The following MAGI1 variants were observed in gnomAD, a reference collection of about 807,000 sequenced individuals.
MAGI1 encodes membrane-associated guanylate kinase, WW and PDZ domain-containing protein 1.
A neutral mutation model predicts 139.9 loss-of-function variants in MAGI1; 58 were observed. The ratio of observed to expected loss-of-function variants is 0.41; its 90% confidence interval spans 0.34 to 0.52. The LOEUF is 0.52. Among genes scored for constraint, MAGI1 ranks in the 20% least tolerant of loss-of-function variants. The pLI is 0.12. For missense variants in MAGI1, 1,874 were observed against 1,901.6 expected (o/e 0.99, Z 0.27); for synonymous variants, 812 against 737.9 (o/e 1.10, Z -1.63).
At chr3:65,639,590 G>A (rs2084861872) in intron 1 of MAGI1, among the ~76,000 whole-genome samples, 1 of 152,152 alleles carries the variant, frequency 6.6e-6, no homozygotes, top group Non-Finnish European at 1.5e-5. Context: ...TTGAGATAAG[G>A]TTAACATTTG....
intron 1 of MAGI1, 89 bp downstream of exon 1, chr3:66,037,904 CGAG>C (rs2069029839): frequency 1.3e-6 from 2 of 1,507,480 alleles, no homozygotes; most frequent in Non-Finnish European, 8.9e-7. Context: ...CACTGCGCTC[CGAG>C]GAGGGAAGCA....
At chr3:65,551,030 T>C (rs1305121080) in intron 2 of MAGI1, among the ~76,000 whole-genome samples, 1 of 152,124 alleles carries the variant, frequency 6.6e-6, no homozygotes, top group African/African-American at 2.4e-5. Flanking sequence ...TCATCTGGAA[T>C]TGTAATCCCC....
intron 1 of MAGI1, among the ~76,000 whole-genome samples, chr3:65,704,169 T>G (rs550497054): frequency 6.6e-6 from 1 of 152,220 alleles, no homozygotes; most frequent in Admixed American, 6.5e-5. Context: ...CAAGTCCAGC[T>G]GGCTATCTGT....
intron 13 of MAGI1, among the ~76,000 whole-genome samples, chr3:65,391,860 C>T (rs1461350782): frequency 2.6e-5 from 4 of 151,712 alleles, no homozygotes; most frequent in East Asian, 1.9e-4. Context: ...CCATTCTTTT[C>T]GACTATTAAA....
At chr3:66,002,142 T>G (rs368138146) in intron 1 of MAGI1, among the ~76,000 whole-genome samples, 1 of 152,174 alleles carries the variant, frequency 6.6e-6, no homozygotes, top group African/African-American at 2.4e-5. Flanking sequence ...TTAGTTCTCC[T>G]CAGGTAAGGA....
chr3:65,698,755 C>T (rs1197797352), intron 1 of MAGI1, among the ~76,000 whole-genome samples: 2 of 148,288 alleles, frequency 1.3e-5, no homozygotes, highest in Non-Finnish European at 3.0e-5. Context: ...AAACGTTAGA[C>T]CTAAAACCAT....
rs3077818 is a variant in MAGI1, at chr3:65,819,875, C to CAAAAAAAAAAAAAAAAAAAAA, written c.314-197808_314-197788dup. ...CTAGCCACAGAGCAAGACTCCATCT[C>CAAAAAAAAAAAAAAAAAAAAA]AAAAAAAAAAAAAAAAAAAAAAGGA... On this transcript the variant is annotated intron_variant, in intron 1 of 22. Coordinates refer to ENST00000402939, the MANE Select transcript of MAGI1 (RefSeq NM_001033057.2). 5.0e-3 allele frequency among the ~76,000 whole-genome samples: 168 copies of CAAAAAAAAAAAAAAAAAAAAA among 33,458 alleles called. 22 individuals are homozygous for CAAAAAAAAAAAAAAAAAAAAA. Among genetic ancestry groups the CAAAAAAAAAAAAAAAAAAAAA allele is most frequent in the East Asian group, 8.0e-3 (9 of 1,126 alleles). 21.9% of individuals were successfully genotyped at this position (33,458 alleles called of 152,430 possible).
chr3:65,941,640 G>C (rs2063320994), intron 1 of MAGI1, among the ~76,000 whole-genome samples: 1 of 135,216 alleles, frequency 7.4e-6, no homozygotes, highest in Non-Finnish European at 1.6e-5. Context: ...ACTGCTATTT[G>C]AACACCACTG....
intron 1 of MAGI1, among the ~76,000 whole-genome samples, chr3:65,693,703 T>TTTTTTTTG (rs1553692473): frequency 2.0e-5 from 3 of 151,786 alleles, no homozygotes; most frequent in African/African-American, 7.3e-5. Context: ...AGAACAGTTT[T>TTTTTTTTG]TTTTTGTTTT....
intron 1 of MAGI1, among the ~76,000 whole-genome samples, chr3:65,626,237 C>A (rs1376350567): frequency 6.6e-6 from 1 of 152,176 alleles, no homozygotes; most frequent in Admixed American, 6.5e-5. Context: ...CTTTTTATCA[C>A]ATATATAACA....
At chr3:65,492,290 G>A (rs1353981454) in intron 3 of MAGI1, among the ~76,000 whole-genome samples, 1 of 152,180 alleles carries the variant, frequency 6.6e-6, no homozygotes, top group African/African-American at 2.4e-5. Flanking sequence ...AGAAAAATGT[G>A]ACTTTTTTCC....
chr3:65,504,649 A>G lies in MAGI1; in HGVS notation c.431-11018T>C, dbSNP rs144584710. ...GAATAAATCAACACTGTCTTCATCCAGGAAACATAGCAGGGAGCTGATGGA... is the reference window on the plus strand; with the variant it reads ...GAATAAATCAACACTGTCTTCATCCGGGAAACATAGCAGGGAGCTGATGGA... On this transcript the variant is annotated intron_variant, in intron 2 of 22. Transcript: ENST00000402939. 4.1e-4 allele frequency among the ~76,000 whole-genome samples: 62 copies of G among 152,304 alleles called. 1 individual carries two copies. The East Asian group carries it at 8.9e-3, about 22-fold the overall frequency.
chr3:65,881,956 C>T (rs1264338860), intron 1 of MAGI1, among the ~76,000 whole-genome samples: 2 of 152,238 alleles, frequency 1.3e-5, no homozygotes, highest in African/African-American at 4.8e-5. Context: ...AGATCAAGTT[C>T]TATCACAGAT....
chr3:65,809,949 C>G (rs2041114609), intron 1 of MAGI1, among the ~76,000 whole-genome samples: 1 of 151,948 alleles, frequency 6.6e-6, no homozygotes, highest in Admixed American at 6.6e-5. Flanking sequence ...CACTGCTGCT[C>G]CTACACACAC....
chr3:65,686,074 G>T (rs76444637), intron 1 of MAGI1, among the ~76,000 whole-genome samples: 3 of 152,090 alleles, frequency 2.0e-5, no homozygotes, highest in Admixed American at 1.3e-4. Flanking sequence ...AAGACTGTAC[G>T]GCTCTGCTGT....
At chr3:65,709,836 A>G (rs1452086305) in intron 1 of MAGI1, among the ~76,000 whole-genome samples, 1 of 152,244 alleles carries the variant, frequency 6.6e-6, no homozygotes, top group Non-Finnish European at 1.5e-5. Context: ...GACGTACAGA[A>G]CTAGCCTCTA....
intron 1 of MAGI1, among the ~76,000 whole-genome samples, chr3:65,654,624 C>CT (rs202095888): frequency 4.2e-4 from 62 of 147,170 alleles, no homozygotes; most frequent in East Asian, 5.9e-4. Context: ...TGAGTAATGA[C>CT]TTTTTTTTTT....
chr3:65,406,954 T>C (rs916797663), intron 12 of MAGI1, among the ~76,000 whole-genome samples: 2 of 152,180 alleles, frequency 1.3e-5, no homozygotes, highest in Non-Finnish European at 2.9e-5. Flanking sequence ...AAAGTACTTC[T>C]GAGCACAATC....
chr3:65,659,841 T>C (rs1315833617), intron 1 of MAGI1, among the ~76,000 whole-genome samples: 3 of 152,162 alleles, frequency 2.0e-5, no homozygotes, highest in South Asian at 2.1e-4. Flanking sequence ...CACAGTGATG[T>C]TGGCCTGGGT....
Sources: gnomAD v4.1 joint callset for allele counts (sites outside exome capture counted in the v4.1 genomes callset) on GRCh38, gnomAD v4.1.1 for gene constraint, MANE v1.5 for transcripts, NCBI Gene and HGNC (gene_info 2026-07-23, HGNC 2026-07-21) for gene names.